CDC14B: variants seen among roughly 807,000 people sequenced by gnomAD.
The protein encoded by CDC14B is dual specificity protein phosphatase CDC14B.
A neutral mutation model predicts 64.2 loss-of-function variants in CDC14B; 22 were observed. The observed-to-expected ratio is 0.34, with a 90% CI of 0.24 to 0.49. CDC14B has a LOEUF of 0.49. Ranked by LOEUF, CDC14B falls within the 20% of genes least tolerant of loss-of-function variation. The pLI, the probability that CDC14B is intolerant of heterozygous loss-of-function variation, is 0.99. For synonymous variants in CDC14B, 191 were observed against 215.8 expected (o/e 0.89, Z 1.01); for missense variants, 498 against 629.9 (o/e 0.79, Z 2.24).
intron 7 of CDC14B, 104 bp from the exon 8 acceptor site, chr9:96,534,646 C>A: frequency 1.4e-6 from 1 of 723,324 alleles, no homozygotes; most frequent in South Asian, 1.9e-5. Context: ...TTTGCTTTAG[C>A]GGAAAAGCTG....
At chr9:96,607,413 CTTTTTTTTTT>C (rs999912549) in intron 1 of CDC14B, among the ~76,000 whole-genome samples, 21 of 66,372 alleles carry the variant, frequency 3.2e-4, no homozygotes, top group Non-Finnish European at 5.0e-4. Flanking sequence ...AACGTGATGT[CTTTTTTTTTT>C]TTTTTTTTTT....
downstream of CDC14B, among the ~76,000 whole-genome samples, chr9:96,497,663 T>C (rs372544192): frequency 9.8e-5 from 15 of 152,334 alleles, 1 homozygote; most frequent in East Asian, 1.9e-3. Flanking sequence ...ACACTTCTCC[T>C]GGACAGCATT....
At chr9:96,544,468 C>T (rs368794711) in intron 5 of CDC14B, among the ~76,000 whole-genome samples, 8 of 152,190 alleles carry the variant, frequency 5.3e-5, no homozygotes, top group African/African-American at 1.9e-4. Flanking sequence ...CTGAGCTATG[C>T]GAACCTTCAT....
rs1472362244 is a variant in CDC14B, at chr9:96,551,676, G to A, written c.497+120C>T. ...CTGTGGAAAAACCCAGATCTGTGGTGTTATTTGCGCTCATCCTAAAATGAC... is the reference window on the plus strand; with the variant it reads ...CTGTGGAAAAACCCAGATCTGTGGTATTATTTGCGCTCATCCTAAAATGAC... On this transcript the variant is annotated intron_variant, in intron 5 of 13. Transcript: ENST00000375241. 3.7e-6 allele frequency: 5 copies of A among 1,367,416 alleles called. No homozygotes were observed. The African/African-American group carries it at 5.9e-5, about 16-fold the overall frequency. The allele number at this position is 1,367,416 out of a possible 1,614,324, so 84.7% of individuals were successfully genotyped here.
intron 9 of CDC14B, among the ~76,000 whole-genome samples, chr9:96,526,716 T>C (rs1837618880): frequency 6.6e-6 from 1 of 152,198 alleles, no homozygotes; most frequent in African/African-American, 2.4e-5. Context: ...TATTTCAGGG[T>C]ATCTCAACCT....
intron 1 of CDC14B, among the ~76,000 whole-genome samples, chr9:96,571,798 A>G (rs73654901): frequency 0.047 from 7,219 of 152,032 alleles, 583 homozygotes; most frequent in African/African-American, 0.16. Context: ...CCTTTCCCCA[A>G]CCCAAGGCAG....
At position 96,566,868 on chromosome 9, in the gene CDC14B, A is replaced by G. The variant is rs752837095; in HGVS notation, c.161-1385T>C. 10 of 1,576,578 alleles carry G rather than the reference A, an allele frequency of 6.3e-6. No individual in the cohort carries two copies. In the African/African-American group the frequency reaches 1.4e-4, roughly 21 times the overall value. On this transcript the variant is annotated intron_variant, in intron 1 of 13. Transcript: ENST00000375241. ...CAGAGGCAAGGACTGCCAGCCGCCGAGAGGGGAGGCGCCGCGACCACACCC... is the reference window on the plus strand; with the variant it reads ...CAGAGGCAAGGACTGCCAGCCGCCGGGAGGGGAGGCGCCGCGACCACACCC...
At chr9:96,520,756 A>C (rs1408450609) in intron 12 of CDC14B, among the ~76,000 whole-genome samples, 1 of 152,138 alleles carries the variant, frequency 6.6e-6, no homozygotes, top group Non-Finnish European at 1.5e-5. Context: ...CTTGCAATTC[A>C]ATGTGTGGTC....
intron 7 of CDC14B, among the ~76,000 whole-genome samples, chr9:96,537,383 C>T (rs1839426384): frequency 6.6e-6 from 1 of 152,180 alleles, no homozygotes; most frequent in Non-Finnish European, 1.5e-5. Flanking sequence ...CCCTATGCCC[C>T]AGGCTCCTGG....
intron 1 of CDC14B, among the ~76,000 whole-genome samples, chr9:96,576,632 CAAAA>C (rs11304216): frequency 4.9e-5 from 4 of 81,648 alleles, no homozygotes; most frequent in African/African-American, 1.7e-4. Flanking sequence ...GACTCCATCT[CAAAA>C]AAAAAAAAAA....
rs1383326740 is a variant in CDC14B, at chr9:96,575,885, C to A, written c.161-10402G>T. Among the ~76,000 whole-genome samples, 3 of 152,146 alleles carry A rather than the reference C, an allele frequency of 2.0e-5. No individual in the cohort carries two copies. In the East Asian group the frequency reaches 5.8e-4, roughly 29 times the overall value. ...ATATGTTTAATAAAGACAATAAAAA[C>A]AAAGCCTTACAGAAAAAACTGAAAT... is the stretch of plus-strand genomic sequence containing the variant. On this transcript the variant is annotated intron_variant, in intron 1 of 13. Coordinates refer to ENST00000375241, the MANE Select transcript of CDC14B (RefSeq NM_033331.4).
intron 13 of CDC14B, among the ~76,000 whole-genome samples, chr9:96,505,042 G>A (rs146062723): frequency 2.0e-5 from 3 of 152,230 alleles, no homozygotes; most frequent in Non-Finnish European, 2.9e-5. Flanking sequence ...TTAGCCAGGC[G>A]TGGTGATGCA....
chr9:96,506,966 G>A (rs576488824), intron 13 of CDC14B, among the ~76,000 whole-genome samples: 13 of 152,338 alleles, frequency 8.5e-5, no homozygotes, highest in African/African-American at 3.1e-4. Flanking sequence ...GCAAACAGCA[G>A]AATTAAATGT....
intron 5 of CDC14B, among the ~76,000 whole-genome samples, chr9:96,551,111 C>CTTTTTTTTGTTTTTTTTTTTTTTTTTTT: frequency 1.1e-5 from 1 of 93,296 alleles, no homozygotes; most frequent in Non-Finnish European, 2.0e-5. Context: ...TTGGGGTTTG[C>CTTTTTTTTGTTTTTTTTTTTTTTTTTTT]TTTTTTTTTT....
chr9:96,532,497 G>A (rs1838642836), intron 9 of CDC14B, among the ~76,000 whole-genome samples: 1 of 152,072 alleles, frequency 6.6e-6, no homozygotes, highest in Non-Finnish European at 1.5e-5. Flanking sequence ...GAGCTTCTTG[G>A]ATATTCCTGC....
chr9:96,603,029 A>G (rs1846607670), intron 1 of CDC14B, among the ~76,000 whole-genome samples: 2 of 151,974 alleles, frequency 1.3e-5, no homozygotes, highest in South Asian at 4.2e-4. Flanking sequence ...AAGCTTAACC[A>G]TCCGTTAAGA....
intron 1 of CDC14B, among the ~76,000 whole-genome samples, chr9:96,598,198 T>C (rs1018302488): frequency 2.0e-5 from 3 of 152,244 alleles, no homozygotes; most frequent in Non-Finnish European, 2.9e-5. Flanking sequence ...AGAATATTTA[T>C]GGCCAGTTTT....
intron 4 of CDC14B, among the ~76,000 whole-genome samples, chr9:96,552,943 A>T (rs1842018083): frequency 6.6e-6 from 1 of 152,320 alleles, no homozygotes. Flanking sequence ...GAAATCACTA[A>T]AAAAAGTTAA....
At chr9:96,493,666 C>A (rs1833141800) in intron 13 of CDC14B, among the ~76,000 whole-genome samples, 1 of 152,032 alleles carries the variant, frequency 6.6e-6, no homozygotes, top group African/African-American at 2.4e-5. Flanking sequence ...CATGTCTCTA[C>A]AATAAATTTT....
Sources: allele counts gnomAD v4.1 joint callset (sites outside exome capture counted in the v4.1 genomes callset), GRCh38; gene constraint gnomAD v4.1.1; transcripts MANE v1.5; gene names NCBI Gene and HGNC (gene_info 2026-07-23, HGNC 2026-07-21).